The following PDE4D variants were observed in gnomAD, a reference collection of about 807,000 sequenced individuals.
The protein encoded by PDE4D is phosphodiesterase 4D.
PDE4D carries 24 observed loss-of-function variants against 87.4 expected under a neutral mutation model. That is an observed-to-expected ratio of 0.27 (90% CI 0.20 to 0.39). PDE4D has a LOEUF of 0.39. PDE4D is among the 10% of genes least tolerant of loss of function. The pLI, the probability that PDE4D is intolerant of heterozygous loss-of-function variation, is 1.00. For synonymous variants in PDE4D, 384 were observed against 383.2 expected (o/e 1.00, Z -0.02); for missense variants, 714 against 1,041.0 (o/e 0.69, Z 4.32).
intron 3 of PDE4D, among the ~76,000 whole-genome samples, chr5:59,940,092 G>T (rs1757020686): frequency 6.6e-6 from 1 of 152,140 alleles, no homozygotes; most frequent in African/African-American, 2.4e-5. Flanking sequence ...AGTCCCTCTG[G>T]TGGCACCTGG....
At chr5:60,506,121 C>G (rs1583954568) in intron 1 of PDE4D, among the ~76,000 whole-genome samples, 1 of 152,322 alleles carries the variant, frequency 6.6e-6, no homozygotes, top group Non-Finnish European at 1.5e-5. Flanking sequence ...GACAGGCAAA[C>G]AGGCAGTCAG....
At chr5:59,353,842 C>T (rs891023541) in intron 1 of PDE4D, among the ~76,000 whole-genome samples, 1 of 151,944 alleles carries the variant, frequency 6.6e-6, no homozygotes, top group Non-Finnish European at 1.5e-5. Context: ...ATTTTACCCA[C>T]ATAAGATAAA....
chr5:59,748,981 G>C (rs893932852), intron 1 of PDE4D, among the ~76,000 whole-genome samples: 12 of 152,174 alleles, frequency 7.9e-5, no homozygotes, highest in Non-Finnish European at 4.4e-5. Context: ...CTGACAACTT[G>C]AGTGCAATTT....
At chr5:59,000,689 A>C (rs1209992623) in intron 6 of PDE4D, among the ~76,000 whole-genome samples, 1 of 152,010 alleles carries the variant, frequency 6.6e-6, no homozygotes, top group Admixed American at 6.6e-5. Context: ...TCAGAAGAGA[A>C]TATTTTATTT....
chr5:60,463,091 C>T (rs1747084293), intron 1 of PDE4D, among the ~76,000 whole-genome samples: 2 of 152,094 alleles, frequency 1.3e-5, no homozygotes, highest in Non-Finnish European at 2.9e-5. Flanking sequence ...GGGATTCCTG[C>T]AGGAGGTAGA....
At chr5:59,901,715 C>G (rs1331617420) in intron 3 of PDE4D, among the ~76,000 whole-genome samples, 1 of 152,028 alleles carries the variant, frequency 6.6e-6, no homozygotes, top group African/African-American at 2.4e-5. Flanking sequence ...ATAAAGACCA[C>G]AGTGAGAGGA....
chr5:59,783,734 T>C (rs763289450), intron 1 of PDE4D, among the ~76,000 whole-genome samples: 7 of 152,230 alleles, frequency 4.6e-5, no homozygotes, highest in South Asian at 2.1e-4. Flanking sequence ...GTTTAATTGA[T>C]CCTGGAACAT....
chr5:59,084,332 A>G (rs1767295144), intron 5 of PDE4D, among the ~76,000 whole-genome samples: 1 of 151,986 alleles, frequency 6.6e-6, no homozygotes, highest in African/African-American at 2.4e-5. Context: ...TATTAGAGAT[A>G]TAAATATATG....
intron 1 of PDE4D, among the ~76,000 whole-genome samples, chr5:59,424,124 A>G (rs1297139515): frequency 6.6e-6 from 1 of 152,162 alleles, no homozygotes; most frequent in African/African-American, 2.4e-5. Context: ...GGCCATAAGA[A>G]AAAAGGACAT....
At chr5:59,605,487 T>C (rs1828077673) in intron 1 of PDE4D, among the ~76,000 whole-genome samples, 1 of 152,112 alleles carries the variant, frequency 6.6e-6, no homozygotes, top group South Asian at 2.1e-4. Context: ...CCATGGTATA[T>C]ACAAAGCTTT....
intron 1 of PDE4D, among the ~76,000 whole-genome samples, chr5:59,771,498 AG>A (rs771545307): frequency 0.17 from 4,734 of 27,264 alleles, 153 homozygotes; most frequent in African/African-American, 0.22. Flanking sequence ...AGAGAGAGAG[AG>A]AAGAAAGAAA....
At chr5:60,208,252 T>C (rs1742779441) in intron 1 of PDE4D, among the ~76,000 whole-genome samples, 1 of 152,200 alleles carries the variant, frequency 6.6e-6, no homozygotes, top group African/African-American at 2.4e-5. Flanking sequence ...ATTGCAATTT[T>C]AGATAGCATG....
intron 1 of PDE4D, among the ~76,000 whole-genome samples, chr5:60,461,292 C>T (rs996283318): frequency 6.6e-6 from 1 of 152,154 alleles, no homozygotes; most frequent in African/African-American, 2.4e-5. Context: ...GCAGGGCTAC[C>T]ATTTTGCACA....
chr5:59,855,932 C>G (rs537093520), intron 1 of PDE4D, among the ~76,000 whole-genome samples: 2 of 152,156 alleles, frequency 1.3e-5, no homozygotes, highest in East Asian at 1.9e-4. Flanking sequence ...TGCAGGCAAT[C>G]TTTTTTTCTG....
In PDE4D at chr5:59,404,181, C is replaced by A. The variant is rs539562938; in HGVS notation, c.456-188213G>T. ...TTTTTTTTCCTACGGAGTTGAGCTC[C>A]TAATATATTCTGGATATTAATCCCT... On this transcript the variant is annotated intron_variant, in intron 1 of 14. Coordinates refer to ENST00000340635, the MANE Select transcript of PDE4D (RefSeq NM_001104631.2). Among the ~76,000 whole-genome samples, 61 of 152,226 alleles carry A rather than the reference C, an allele frequency of 4.0e-4. 1 individual carries two copies. The highest frequency in any genetic ancestry group is 1.4e-3 in the African/African-American group (57 of 41,534).
chr5:60,117,056 AAT>A (rs1055030728), intron 2 of PDE4D, among the ~76,000 whole-genome samples: 11 of 152,128 alleles, frequency 7.2e-5, no homozygotes, highest in Non-Finnish European at 1.0e-4. Flanking sequence ...TAAAAAAAAA[AAT>A]ATTTCCTTCC....
chr5:59,332,147 AT>A (rs1325714637), intron 1 of PDE4D, among the ~76,000 whole-genome samples: 7 of 152,220 alleles, frequency 4.6e-5, no homozygotes, highest in Non-Finnish European at 1.0e-4. Context: ...TGATGAAAAT[AT>A]TTCAAACAAT....
intron 1 of PDE4D, among the ~76,000 whole-genome samples, chr5:60,199,548 C>T (rs1178323461): frequency 2.6e-5 from 4 of 151,608 alleles, no homozygotes; most frequent in African/African-American, 4.8e-5. Flanking sequence ...GGATCGGCTA[C>T]GCTTTAATCA....
intron 1 of PDE4D, among the ~76,000 whole-genome samples, chr5:59,649,863 C>A (rs1054788954): frequency 8.1e-6 from 1 of 122,878 alleles, no homozygotes; most frequent in African/African-American, 3.0e-5. Flanking sequence ...TGGGAAACAA[C>A]AATCAACTAT....
Sources: allele counts gnomAD v4.1 joint callset (sites outside exome capture counted in the v4.1 genomes callset), GRCh38; gene constraint gnomAD v4.1.1; transcripts MANE v1.5; gene names NCBI Gene and HGNC (gene_info 2026-07-23, HGNC 2026-07-21).